The following DCDC2 variants were observed in gnomAD, a reference collection of about 807,000 sequenced individuals.
DCDC2 encodes the protein doublecortin domain-containing protein 2.
DCDC2 carries 40 observed loss-of-function variants against 50.2 expected under a neutral mutation model. That is an observed-to-expected ratio of 0.80 (90% CI 0.62 to 1.04). The LOEUF (loss-of-function observed/expected upper bound fraction) is 1.04, where lower values mean the gene tolerates loss of function less well. Ranked by LOEUF, DCDC2 falls within the 50% of genes least tolerant of loss-of-function variation. The pLI is 0.00. For missense variants in DCDC2, 570 were observed against 581.9 expected, an observed-to-expected ratio of 0.98 and a Z score of 0.21; for synonymous variants, 234 against 210.6, an observed-to-expected ratio of 1.11 and a Z score of -0.96.
chr6:24,317,366 A>C (rs1759691411), intron 2 of DCDC2, among the ~76,000 whole-genome samples: 1 of 152,090 alleles, frequency 6.6e-6, no homozygotes. Context: ...TATATGATGA[A>C]GTTGGCATTT....
At chr6:24,348,426 C>A (rs1760307013) in intron 2 of DCDC2, among the ~76,000 whole-genome samples, 1 of 152,160 alleles carries the variant, frequency 6.6e-6, no homozygotes, top group Admixed American at 6.5e-5. Flanking sequence ...AAGAAGGGAT[C>A]CTTGTGGCAT....
intron 2 of DCDC2, among the ~76,000 whole-genome samples, chr6:24,316,413 C>T (rs966008840): frequency 2.6e-5 from 4 of 151,934 alleles, no homozygotes; most frequent in African/African-American, 7.3e-5. Flanking sequence ...ACCAAGAGAG[C>T]GAACCATTTC....
intron 4 of DCDC2, among the ~76,000 whole-genome samples, chr6:24,294,541 TA>T (rs997521003): frequency 3.3e-5 from 5 of 151,376 alleles, no homozygotes; most frequent in Non-Finnish European, 4.4e-5. Flanking sequence ...AGTTGGTTTT[TA>T]AAAAAAAATT....
chr6:24,382,848 C>T, the DCDC2 span, among the ~76,000 whole-genome samples: 1 of 152,172 alleles, frequency 6.6e-6, no homozygotes, highest in African/African-American at 2.4e-5. Context: ...CAAAAGGCTG[C>T]TGCTGGTATA....
At chr6:24,293,984 A>G (rs1763805032) in intron 4 of DCDC2, among the ~76,000 whole-genome samples, 1 of 152,244 alleles carries the variant, frequency 6.6e-6, no homozygotes, top group African/African-American at 2.4e-5. Flanking sequence ...TGAAACTGAG[A>G]ACAAAAATAC....
the DCDC2 span, among the ~76,000 whole-genome samples, chr6:24,367,489 A>G: frequency 1.1e-4 from 16 of 152,234 alleles, no homozygotes; most frequent in African/African-American, 3.1e-4. Flanking sequence ...CATTTGTGCT[A>G]AAGGCCGAGG....
intron 7 of DCDC2, among the ~76,000 whole-genome samples, chr6:24,234,315 T>C (rs1021618208): frequency 1.3e-5 from 2 of 151,926 alleles, no homozygotes; most frequent in Non-Finnish European, 2.9e-5. Flanking sequence ...TAGGAAGTGC[T>C]GGAAGATGAT....
At chr6:24,356,837 G>C (rs1192363263) in intron 1 of DCDC2, 1 of 152,198 alleles carries the variant, frequency 6.6e-6, no homozygotes, top group Non-Finnish European at 1.5e-5. Context: ...CCCTGCCCTT[G>C]AAGGTCTAAT....
chr6:24,360,708 G>C (rs1050491151), upstream of DCDC2, among the ~76,000 whole-genome samples: 7 of 151,850 alleles, frequency 4.6e-5, no homozygotes, highest in African/African-American at 1.7e-4. Context: ...TTTCTACCAT[G>C]TGTCATGTCC....
At chr6:24,312,847 T>C (rs1561770456) in intron 2 of DCDC2, among the ~76,000 whole-genome samples, 1 of 152,182 alleles carries the variant, frequency 6.6e-6, no homozygotes, top group Admixed American at 6.5e-5. Flanking sequence ...ACAGATGATA[T>C]GCTATTCAAA....
intron 7 of DCDC2, among the ~76,000 whole-genome samples, chr6:24,224,089 C>A (rs1194018810): frequency 6.6e-6 from 1 of 152,138 alleles, no homozygotes; most frequent in Non-Finnish European, 1.5e-5. Context: ...AAGGAAGATT[C>A]AGGAAAGTTT....
At chr6:24,188,820 G>C (rs763694604) in intron 8 of DCDC2, among the ~76,000 whole-genome samples, 3 of 152,046 alleles carry the variant, frequency 2.0e-5, no homozygotes, top group African/African-American at 4.8e-5. Context: ...TTAAACTGAT[G>C]TACATAATAG....
chr6:24,202,584 G>A (rs1260979270), intron 8 of DCDC2, among the ~76,000 whole-genome samples: 1 of 152,204 alleles, frequency 6.6e-6, no homozygotes, highest in Admixed American at 6.5e-5. Context: ...GATCAAGGAT[G>A]CCATCTCTAA....
At chr6:24,213,269 TTATC>T (rs1251401032) in intron 7 of DCDC2, among the ~76,000 whole-genome samples, 1 of 152,140 alleles carries the variant, frequency 6.6e-6, no homozygotes, top group Non-Finnish European at 1.5e-5. Flanking sequence ...AAAATCTTAG[TTATC>T]TATTAACTAG....
At chr6:24,347,760 CA>C (rs1211744122) in intron 2 of DCDC2, among the ~76,000 whole-genome samples, 1 of 152,150 alleles carries the variant, frequency 6.6e-6, no homozygotes, top group East Asian at 1.9e-4. Context: ...AATTATCCTA[CA>C]GGGGCAATAA....
the DCDC2 span, among the ~76,000 whole-genome samples, chr6:24,372,188 G>A: frequency 3.3e-5 from 5 of 152,152 alleles, no homozygotes; most frequent in Admixed American, 2.0e-4. Context: ...TTGGGAGGCC[G>A]AGGCGGGTGG....
At chr6:24,357,308 G>A (rs930344531) in intron 1 of DCDC2, 150 bp downstream of exon 1, 118 of 896,950 alleles carry the variant, frequency 1.3e-4, no homozygotes, top group Non-Finnish European at 1.9e-4. Context: ...CCCCCCAACT[G>A]CAACGAGAGT....
chr6:24,279,283 C>T (rs1334338708), intron 6 of DCDC2, among the ~76,000 whole-genome samples: 1 of 152,072 alleles, frequency 6.6e-6, no homozygotes, highest in Non-Finnish European at 1.5e-5. Flanking sequence ...GTGGGAGGAT[C>T]ATTTGAGGTC....
intron 7 of DCDC2, among the ~76,000 whole-genome samples, chr6:24,207,122 G>T (rs150200320): frequency 3.1e-4 from 47 of 152,196 alleles, no homozygotes; most frequent in Middle Eastern, 3.4e-3. Flanking sequence ...TAGTATTTTT[G>T]ATTATAAATT....
Sources: gnomAD v4.1 joint callset for allele counts (sites outside exome capture counted in the v4.1 genomes callset) on GRCh38, gnomAD v4.1.1 for gene constraint, MANE v1.5 for transcripts, NCBI Gene and HGNC (gene_info 2026-07-23, HGNC 2026-07-21) for gene names.